SIN3A: variants seen among roughly 807,000 people sequenced by gnomAD.
The protein encoded by SIN3A is paired amphipathic helix protein Sin3a.
A neutral mutation model predicts 146.1 loss-of-function variants in SIN3A; 14 were observed. That is an observed-to-expected ratio of 0.10 (90% CI 0.06 to 0.15). The LOEUF (loss-of-function observed/expected upper bound fraction) is 0.15, where lower values mean the gene tolerates loss of function less well. SIN3A is among the 10% of genes least tolerant of loss of function. The pLI is 1.00. For missense variants in SIN3A, 1,028 were observed against 1,576.0 expected (o/e 0.65, Z 5.89); for synonymous variants, 572 against 572.0 (o/e 1.00, Z 0.00).
Position 75,404,631 on chromosome 15 carries a change from G to C in SIN3A, c.1407+2424C>G, listed in dbSNP as rs1463396865. Among the ~76,000 whole-genome samples the C allele has an allele frequency of 3.3e-5, 5 of 151,890 alleles. No homozygotes were observed. In the South Asian group the frequency reaches 6.2e-4, roughly 19 times the overall value. On this transcript the variant is annotated intron_variant, in intron 9 of 20. Transcript: ENST00000394947. The stretch of plus-strand genomic sequence containing the variant: ...AAAAATTAGCTGGGTGTGGTGGTGG[G>C]CGCCTGTAATCCCAGCTACTCGGGA...
intron 3 of SIN3A, chr15:75,421,029 G>A (rs2073833115): frequency 1.3e-5 from 2 of 152,158 alleles, no homozygotes; most frequent in African/African-American, 4.8e-5. Flanking sequence ...AGTCCTGTGA[G>A]GAAGGTGGGT....
At chr15:75,399,963 C>G in intron 12 of SIN3A, 77 bp downstream of exon 12, 1 of 813,184 alleles carries the variant, frequency 1.2e-6, no homozygotes, top group Non-Finnish European at 2.1e-6. Context: ...ATCTTAATAA[C>G]CCTCAGAGAC....
At chr15:75,422,480 C>G (rs1267196918) in intron 3 of SIN3A, 167 bp downstream of exon 3, 7 of 747,652 alleles carry the variant, frequency 9.4e-6, no homozygotes, top group African/African-American at 3.5e-5. Flanking sequence ...GGCACTGATG[C>G]CAAGATAGGA....
rs1462698648 is a variant in SIN3A, at chr15:75,375,842, A to G, written c.3414T>C (p.Arg1138=). 18 of 1,613,924 alleles carry G rather than the reference A, an allele frequency of 1.1e-5. No individual in the cohort carries two copies. Among genetic ancestry groups the G allele is most frequent in the Non-Finnish European group, 1.5e-5 (18 of 1,180,038 alleles). The change falls in exon 20 of 21, where the codon CGT becomes CGC. Residue 1138 remains arginine (R), a synonymous_variant. Transcript: ENST00000394947. ...RNLRRIRKCQ[R]GREQQEKEGK... ...CTTCCTTTTCCTGCTGCTCTCGACC[A>G]CGTTGACACTTCCGGATCCGCCGTA...
At chr15:75,434,678 G>A (rs557191566) in intron 1 of SIN3A, among the ~76,000 whole-genome samples, 7 of 149,830 alleles carry the variant, frequency 4.7e-5, no homozygotes, top group African/African-American at 1.5e-4. Flanking sequence ...GTCAGGCGCC[G>A]TGGCTCACAC....
intron 1 of SIN3A, among the ~76,000 whole-genome samples, chr15:75,451,007 C>A (rs2074394942): frequency 1.3e-5 from 2 of 151,864 alleles, no homozygotes; most frequent in African/African-American, 4.8e-5. Flanking sequence ...AATCTACACG[C>A]GGGAGACCCC....
rs764277781 is a variant in SIN3A at position 75,409,825 on chromosome 15, C to G, written c.1317+11G>C. The stretch of plus-strand genomic sequence containing the variant: ...TGAGTGTCAAAATGAGCAGCTGCTG[C>G]CCATTCTCACCTTAACTGGAGGGGT... On this transcript the variant is annotated intron_variant, in intron 8 of 20. Coordinates refer to ENST00000394947, the MANE Select transcript of SIN3A (RefSeq NM_001145358.2). The G allele has an allele frequency of 6.2e-7, 1 of 1,611,078 alleles. No individual in the cohort carries two copies. Among genetic ancestry groups the G allele is most frequent in the Non-Finnish European group, 8.5e-7 (1 of 1,179,158 alleles).
At chr15:75,450,280 G>A (rs1276161593) in intron 1 of SIN3A, among the ~76,000 whole-genome samples, 1 of 152,062 alleles carries the variant, frequency 6.6e-6, no homozygotes, top group African/African-American at 2.4e-5. Flanking sequence ...GTAAAGAGGA[G>A]GAGCTTCCAC....
intron 20 of SIN3A, among the ~76,000 whole-genome samples, chr15:75,373,444 A>AC (rs1349348533): frequency 6.6e-6 from 1 of 152,088 alleles, no homozygotes; most frequent in African/African-American, 2.4e-5. Flanking sequence ...ACCTCTGCCA[A>AC]CCCTGAGACA....
chr15:75,381,973 A>C (rs1055942777), intron 17 of SIN3A, among the ~76,000 whole-genome samples: 6 of 152,252 alleles, frequency 3.9e-5, no homozygotes, highest in Non-Finnish European at 2.9e-5. Flanking sequence ...GTCAGTAAGA[A>C]TGTTTTACAA....
At chr15:75,402,273 A>G (rs2141459238) in intron 9 of SIN3A, among the ~76,000 whole-genome samples, 1 of 152,266 alleles carries the variant, frequency 6.6e-6, no homozygotes, top group East Asian at 1.9e-4. Context: ...GCACTTTGGG[A>G]GGCCAAGGTG....
intron 3 of SIN3A, chr15:75,416,153 T>C (rs1292641890): frequency 5.8e-6 from 1 of 173,904 alleles, no homozygotes; most frequent in Non-Finnish European, 1.2e-5. Flanking sequence ...TTGTTTTGCT[T>C]TTTCTAAAGC....
At chr15:75,445,678 A>ATGTG (rs998304419) in intron 1 of SIN3A, among the ~76,000 whole-genome samples, 1 of 141,808 alleles carries the variant, frequency 7.1e-6, no homozygotes, top group South Asian at 2.5e-4. Flanking sequence ...GGGTGTGTGT[A>ATGTG]TGTGTGTGTG....
At chr15:75,443,498 T>G (rs1488336846) in intron 1 of SIN3A, 1 of 152,084 alleles carries the variant, frequency 6.6e-6, no homozygotes, top group Non-Finnish European at 1.5e-5. Context: ...GGTGGATTGT[T>G]TGAGCCCAGG....
intron 19 of SIN3A, among the ~76,000 whole-genome samples, chr15:75,377,124 G>A (rs8024290): frequency 0.02 from 3,015 of 152,054 alleles, 104 homozygotes; most frequent in African/African-American, 0.068. Context: ...TTGCAATATC[G>A]AACAAATTGT....
At chr15:75,376,602 C>T (rs1270978768) in intron 19 of SIN3A, among the ~76,000 whole-genome samples, 2 of 151,990 alleles carry the variant, frequency 1.3e-5, no homozygotes, top group East Asian at 3.8e-4. Flanking sequence ...GTGGCTCATG[C>T]CTATAATCCC....
At chr15:75,378,932 A>C (rs752985170) in intron 19 of SIN3A, among the ~76,000 whole-genome samples, 1 of 150,796 alleles carries the variant, frequency 6.6e-6, no homozygotes, top group Non-Finnish European at 1.5e-5. Flanking sequence ...GCAGAGTCTC[A>C]CTCGGTCACC....
chr15:75,452,192 A>G (rs922722623), upstream of SIN3A, among the ~76,000 whole-genome samples: 40 of 152,238 alleles, frequency 2.6e-4, no homozygotes, highest in African/African-American at 9.4e-4. Context: ...CCGCCCCAAG[A>G]GTCGGATTGG....
Position 75,370,422 on chromosome 15 carries a change from G to C in SIN3A, c.*1557C>G, listed in dbSNP as rs1298052680. 4 of 152,194 alleles carry C rather than the reference G, an allele frequency of 2.6e-5. No homozygotes were observed. The allele number at this position is 152,194 out of a possible 1,614,324, so 9.4% of individuals were successfully genotyped here. ...ATGGTTGCTGAAGAAAAATCCACCA[G>C]AGTACTGGGAGGGGCTCAGTTGGTC... On this transcript the variant is annotated 3_prime_UTR_variant, in exon 21 of 21. Coordinates refer to ENST00000394947, the MANE Select transcript of SIN3A (RefSeq NM_001145358.2).
Sources: allele counts gnomAD v4.1 joint callset (sites outside exome capture counted in the v4.1 genomes callset), GRCh38; gene constraint gnomAD v4.1.1; transcripts MANE v1.5; gene names NCBI Gene and HGNC (gene_info 2026-07-23, HGNC 2026-07-21).